The following SPATA17 variants were observed in gnomAD, a reference collection of about 807,000 sequenced individuals.
SPATA17 encodes spermatogenesis associated 17, also known as spermatogenesis-associated protein 17.
A neutral mutation model predicts 62.2 loss-of-function variants in SPATA17; 53 were observed. That is an observed-to-expected ratio of 0.85 (90% CI 0.68 to 1.07). The LOEUF (loss-of-function observed/expected upper bound fraction) is 1.07, where lower values mean the gene tolerates loss of function less well. SPATA17 is among the 50% of genes least tolerant of loss of function. SPATA17 has a pLI of 0.00. For synonymous variants in SPATA17, 146 were observed against 146.8 expected, an observed-to-expected ratio of 0.99 and a Z score of 0.04; for missense variants, 466 against 425.5, an observed-to-expected ratio of 1.10 and a Z score of -0.84.
intron 5 of SPATA17, among the ~76,000 whole-genome samples, chr1:217,712,426 T>C (rs1316692029): frequency 3.3e-5 from 5 of 152,144 alleles, no homozygotes; most frequent in Non-Finnish European, 7.4e-5. Flanking sequence ...GCACCTGGCC[T>C]ACAATATGTT....
chr1:217,813,875 G>A lies in SPATA17; in HGVS notation c.1005+12025G>A, dbSNP rs2102993260. Among the ~76,000 whole-genome samples, 3 of 151,976 alleles carry A rather than the reference G, an allele frequency of 2.0e-5. No homozygotes were observed. The South Asian group carries it at 6.2e-4, about 32-fold the overall frequency. On this transcript the variant is annotated intron_variant, in intron 9 of 10. Coordinates refer to ENST00000366933, the MANE Select transcript of SPATA17 (RefSeq NM_138796.4). ...TATGCATTTCAGAAAATTGGGCAGA[G>A]CCAAATACTGTATTGTATTACTTAG...
intron 9 of SPATA17, among the ~76,000 whole-genome samples, chr1:217,820,083 A>C (rs1390993062): frequency 3.3e-5 from 5 of 152,078 alleles, no homozygotes; most frequent in Non-Finnish European, 7.4e-5. Context: ...TTCAATTCTC[A>C]AGGAACATGA....
intron 5 of SPATA17, among the ~76,000 whole-genome samples, chr1:217,729,715 T>A (rs1222353028): frequency 6.6e-6 from 1 of 152,292 alleles, no homozygotes; most frequent in Admixed American, 6.5e-5. Flanking sequence ...TTAAAAACAG[T>A]CTGCCATTTA....
rs534386071 is a variant in SPATA17, at chr1:217,685,093, G to GC, written c.395+1733dup. Among the ~76,000 whole-genome samples, 289 of 137,132 alleles carry GC rather than the reference G, an allele frequency of 2.1e-3. 2 individuals carry two copies. The highest frequency in any genetic ancestry group is 0.019 in the Middle Eastern group (5 of 262). 90.0% of individuals were successfully genotyped at this position (137,132 alleles called of 152,430 possible). Reference sequence around the variant, plus strand: ...TGACTTTAGCTTGTCAGGAGGAAGAGCTAGTAGAGTTTGCAAGGAGAAGAA... The same window carrying GC: ...TGACTTTAGCTTGTCAGGAGGAAGAGCCTAGTAGAGTTTGCAAGGAGAAGAA... On this transcript the variant is annotated intron_variant, in intron 5 of 10. Coordinates refer to ENST00000366933, the MANE Select transcript of SPATA17 (RefSeq NM_138796.4).
At chr1:217,632,762 A>G (rs977622844) in intron 1 of SPATA17, among the ~76,000 whole-genome samples, 2 of 152,250 alleles carry the variant, frequency 1.3e-5, no homozygotes, top group African/African-American at 4.8e-5. Context: ...TTAAGTAAAC[A>G]TACTAACAAT....
At chr1:217,631,600 G>A (rs1669777473) in intron 1 of SPATA17, among the ~76,000 whole-genome samples, 154 bp downstream of exon 1, 1 of 152,208 alleles carries the variant, frequency 6.6e-6, no homozygotes, top group South Asian at 2.1e-4. Flanking sequence ...ATAATTGGGA[G>A]TTTCTGTTAC....
chr1:217,704,610 A>C (rs1340287558), intron 5 of SPATA17, among the ~76,000 whole-genome samples: 1 of 151,632 alleles, frequency 6.6e-6, no homozygotes, highest in Non-Finnish European at 1.5e-5. Flanking sequence ...GTCCATATGT[A>C]CTCAATGTTT....
intron 6 of SPATA17, among the ~76,000 whole-genome samples, chr1:217,756,858 C>A (rs1280590910): frequency 6.6e-6 from 1 of 152,208 alleles, no homozygotes; most frequent in Non-Finnish European, 1.5e-5. Context: ...AATTCTGAAA[C>A]AACAGAAATC....
At chr1:217,702,802 T>C (rs1671629662) in intron 5 of SPATA17, among the ~76,000 whole-genome samples, 1 of 152,220 alleles carries the variant, frequency 6.6e-6, no homozygotes, top group South Asian at 2.1e-4. Context: ...TTATCCCATA[T>C]GTTCTATCGA....
At chr1:217,642,030 G>T (rs1313757522) in intron 1 of SPATA17, among the ~76,000 whole-genome samples, 1 of 151,922 alleles carries the variant, frequency 6.6e-6, no homozygotes, top group African/African-American at 2.4e-5. Context: ...CTTAATTTAG[G>T]TTTGTCTGAT....
chr1:217,849,467 A>G (rs1214195989), intron 9 of SPATA17, among the ~76,000 whole-genome samples: 1 of 152,124 alleles, frequency 6.6e-6, no homozygotes, highest in Non-Finnish European at 1.5e-5. Context: ...ACAAACTTAT[A>G]CAATTTAGTT....
At chr1:217,840,420 A>G (rs1675364397) in intron 9 of SPATA17, among the ~76,000 whole-genome samples, 1 of 152,122 alleles carries the variant, frequency 6.6e-6, no homozygotes, top group African/African-American at 2.4e-5. Flanking sequence ...GGATATTGAT[A>G]TTATCATTCC....
intron 4 of SPATA17, among the ~76,000 whole-genome samples, chr1:217,673,664 A>G (rs1474806647): frequency 6.6e-6 from 1 of 152,118 alleles, no homozygotes; most frequent in African/African-American, 2.4e-5. Context: ...ATATCTTCTG[A>G]CAGCCTTGTG....
chr1:217,765,772 A>G (rs1485489631), intron 6 of SPATA17, among the ~76,000 whole-genome samples: 2 of 152,096 alleles, frequency 1.3e-5, no homozygotes, highest in East Asian at 1.9e-4. Flanking sequence ...TTCTCCCACT[A>G]TAATAGTGGA....
chr1:217,635,682 C>A (rs377763956), intron 1 of SPATA17, among the ~76,000 whole-genome samples: 9 of 150,926 alleles, frequency 6.0e-5, no homozygotes, highest in African/African-American at 2.0e-4. Context: ...CCAGCCTGGG[C>A]AACAGAGCAA....
At chr1:217,731,186 C>T (rs1224883353) in intron 5 of SPATA17, among the ~76,000 whole-genome samples, 3 of 152,012 alleles carry the variant, frequency 2.0e-5, no homozygotes, top group Admixed American at 6.6e-5. Flanking sequence ...AGTGTACCCT[C>T]CTCGATGCAT....
intron 6 of SPATA17, among the ~76,000 whole-genome samples, chr1:217,749,971 C>CTATATA (rs1221231899): frequency 3.3e-4 from 15 of 45,808 alleles, no homozygotes; most frequent in Non-Finnish European, 6.0e-4. Flanking sequence ...CTCTCTCTCT[C>CTATATA]TCTCTCTCTC....
intron 6 of SPATA17, among the ~76,000 whole-genome samples, chr1:217,754,684 C>A (rs1175482654): frequency 6.6e-6 from 1 of 152,076 alleles, no homozygotes; most frequent in Non-Finnish European, 1.5e-5. Context: ...ATATTTAATC[C>A]ACTCTTTTAG....
At chr1:217,745,659 A>G (rs1238778370) in intron 6 of SPATA17, among the ~76,000 whole-genome samples, 1 of 152,076 alleles carries the variant, frequency 6.6e-6, no homozygotes, top group African/African-American at 2.4e-5. Context: ...ATCACTTCCA[A>G]TAATATTTTT....
Sources: allele counts gnomAD v4.1 joint callset (sites outside exome capture counted in the v4.1 genomes callset), GRCh38; gene constraint gnomAD v4.1.1; transcripts MANE v1.5; gene names NCBI Gene and HGNC (gene_info 2026-07-23, HGNC 2026-07-21).